The following FAM3C variants were observed in gnomAD, a reference collection of about 807,000 sequenced individuals.
The protein encoded by FAM3C is protein FAM3C.
Under a neutral mutation model 32.5 loss-of-function variants are expected in FAM3C, and 15 were observed. That is an observed-to-expected ratio of 0.46 (90% confidence interval 0.31 to 0.71). The LOEUF (loss-of-function observed/expected upper bound fraction) is 0.71, where lower values mean the gene tolerates loss of function less well. FAM3C is among the 30% of genes least tolerant of loss of function. The probability of loss-of-function intolerance (pLI) is 0.05; values close to 1 mark genes in which losing one functional copy is unlikely to be tolerated. For synonymous variants in FAM3C, 75 were observed against 86.1 expected (o/e 0.87, Z 0.72); for missense variants, 175 against 274.4 (o/e 0.64, Z 2.56).
chr7:121,356,235 A>T (rs1793805824), intron 8 of FAM3C, among the ~76,000 whole-genome samples: 1 of 152,192 alleles, frequency 6.6e-6, no homozygotes, highest in South Asian at 2.1e-4. Flanking sequence ...GCCAGACCAC[A>T]TCTGGAACCC....
intron 1 of FAM3C, among the ~76,000 whole-genome samples, chr7:121,391,895 A>T (rs76104873): frequency 0.034 from 5,232 of 152,326 alleles, 324 homozygotes; most frequent in African/African-American, 0.12. Context: ...TAAGCAAAAT[A>T]TGAAGTTACT....
intron 5 of FAM3C, among the ~76,000 whole-genome samples, chr7:121,370,754 A>C (rs1414268163): frequency 2.0e-5 from 3 of 152,198 alleles, no homozygotes; most frequent in Non-Finnish European, 2.9e-5. Flanking sequence ...GTAGCACTCA[A>C]ATATTTTAAA....
intron 8 of FAM3C, among the ~76,000 whole-genome samples, chr7:121,356,035 T>C (rs572533244): frequency 1.6e-3 from 216 of 138,678 alleles, no homozygotes; most frequent in African/African-American, 6.2e-3. Context: ...TTGACAGTGG[T>C]TTAGAAAAAA....
chr7:121,351,902 A>C (rs1793713876), intron 8 of FAM3C, among the ~76,000 whole-genome samples: 1 of 152,214 alleles, frequency 6.6e-6, no homozygotes, highest in Non-Finnish European at 1.5e-5. Context: ...CTACTAATTG[A>C]AAGATGTCCC....
chr7:121,359,464 T>C (rs929805777), intron 8 of FAM3C, among the ~76,000 whole-genome samples: 3 of 152,038 alleles, frequency 2.0e-5, no homozygotes, highest in Non-Finnish European at 4.4e-5. Flanking sequence ...TGCCAAAAAA[T>C]GTGTCTTAAG....
chr7:121,378,795 G>A, intron 3 of FAM3C, 115 bp downstream of exon 3: 3 of 484,312 alleles, frequency 6.2e-6, no homozygotes, highest in Middle Eastern at 5.4e-4. Flanking sequence ...CATATTTATG[G>A]ATATATAATA....
At chr7:121,390,823 A>G (rs1794558134) in intron 1 of FAM3C, among the ~76,000 whole-genome samples, 1 of 109,580 alleles carries the variant, frequency 9.1e-6, no homozygotes, top group South Asian at 3.4e-4. Flanking sequence ...CAGCACACCA[A>G]TCCACACACA....
intron 4 of FAM3C, among the ~76,000 whole-genome samples, chr7:121,371,697 C>T (rs752388747): frequency 1.2e-4 from 19 of 152,076 alleles, no homozygotes; most frequent in Non-Finnish European, 2.6e-4. Flanking sequence ...ATATGATCTG[C>T]ATTAGGGCAA....
chr7:121,368,478 G>A (rs1258768230), intron 5 of FAM3C, among the ~76,000 whole-genome samples: 1 of 152,174 alleles, frequency 6.6e-6, no homozygotes, highest in Non-Finnish European at 1.5e-5. Flanking sequence ...AATAAAGTCT[G>A]TTACCAACAG....
intron 2 of FAM3C, among the ~76,000 whole-genome samples, chr7:121,381,695 T>C (rs1317009018): frequency 1.6e-5 from 2 of 125,542 alleles, no homozygotes; most frequent in African/African-American, 5.5e-5. Flanking sequence ...CACACACGCA[T>C]GCAACATAAA....
intron 8 of FAM3C, among the ~76,000 whole-genome samples, chr7:121,354,213 T>C (rs1351045633): frequency 6.6e-6 from 1 of 152,198 alleles, no homozygotes; most frequent in Non-Finnish European, 1.5e-5. Flanking sequence ...TATATTTTTA[T>C]ATAGCATAAA....
chr7:121,369,033 G>A lies in FAM3C; in HGVS notation c.272+2267C>T, dbSNP rs113656160. Reference sequence around the variant, plus strand: ...CTCTGCCGCCCACCCAGGCTGCAGTGCAGTGGTGCGATCTTGGCCCACTGC... The same window carrying A: ...CTCTGCCGCCCACCCAGGCTGCAGTACAGTGGTGCGATCTTGGCCCACTGC... On this transcript the variant is annotated intron_variant, in intron 5 of 9. Transcript: ENST00000359943. Among the ~76,000 whole-genome samples the A allele has an allele frequency of 3.2e-3, 454 of 142,664 alleles. 3 individuals carry two copies. The highest frequency in any genetic ancestry group is 0.011 in the African/African-American group (411 of 38,676). The allele number at this position is 142,664 out of a possible 152,430, so 93.6% of individuals were successfully genotyped here.
chr7:121,372,099 G>T lies in FAM3C; in HGVS notation c.148+11C>A. The T allele has an allele frequency of 6.3e-7, 1 of 1,596,202 alleles. No homozygotes were observed. Among genetic ancestry groups the T allele is most frequent in the Non-Finnish European group, 8.6e-7 (1 of 1,166,530 alleles). ...TAAATCATACATAAAATATTGAGAT[G>T]AAATACTTACAACGTGCAGCTGTGT... On this transcript the variant is annotated intron_variant, in intron 4 of 9. Transcript: ENST00000359943.
intron 5 of FAM3C, among the ~76,000 whole-genome samples, chr7:121,369,430 A>G (rs1451512702): frequency 6.6e-6 from 1 of 152,160 alleles, no homozygotes; most frequent in African/African-American, 2.4e-5. Context: ...CTTTCTTTGG[A>G]CTTTAACCTG....
intron 8 of FAM3C, among the ~76,000 whole-genome samples, chr7:121,356,032 T>C (rs1322183107): frequency 7.3e-6 from 1 of 137,606 alleles, no homozygotes; most frequent in African/African-American, 3.0e-5. Context: ...GATTTGACAG[T>C]GGTTTAGAAA....
At chr7:121,372,763 T>C (rs1562888746) in intron 3 of FAM3C, among the ~76,000 whole-genome samples, 1 of 152,170 alleles carries the variant, frequency 6.6e-6, no homozygotes. Flanking sequence ...CCCAGGAGAT[T>C]ATAACTCAGA....
chr7:121,365,533 G>C (rs868023174), intron 5 of FAM3C, among the ~76,000 whole-genome samples: 4 of 151,918 alleles, frequency 2.6e-5, no homozygotes, highest in African/African-American at 9.7e-5. Flanking sequence ...AGAAGCTATA[G>C]GGAGATACAT....
At chr7:121,351,496 T>G in intron 8 of FAM3C, 1 of 429,314 alleles carries the variant, frequency 2.3e-6, no homozygotes, top group Non-Finnish European at 4.1e-6. Context: ...TAAAAGGACC[T>G]GTTAGGTTTT....
At position 121,351,179 on chromosome 7, in the gene FAM3C, A is replaced by G. The variant is rs149263942; in HGVS notation, c.558T>C (p.Gly186=). Reference sequence around the variant, plus strand: ...GGCTTTTTGTCTTAATGCCCTTCCCACCACAGAAGACCCAGTTGTCTCTAA... The same window carrying G: ...GGCTTTTTGTCTTAATGCCCTTCCCGCCACAGAAGACCCAGTTGTCTCTAA... ...LGFRDNWVFC[G]GKGIKTKSPF... is the part of the protein sequence containing the mutation. Residue 186 remains glycine (G), a synonymous_variant, in exon 9 of 10, where the codon GGT becomes GGC. Transcript: ENST00000359943. 2.3e-4 allele frequency: 368 copies of G among 1,613,602 alleles called. 1 individual carries two copies. The highest frequency in any genetic ancestry group is 2.8e-4 in the Non-Finnish European group (332 of 1,179,752).
Sources: allele counts gnomAD v4.1 joint callset (sites outside exome capture counted in the v4.1 genomes callset), GRCh38; gene constraint gnomAD v4.1.1; transcripts MANE v1.5; gene names NCBI Gene and HGNC (gene_info 2026-07-23, HGNC 2026-07-21).